SEC14L1: variants seen among roughly 807,000 people sequenced by gnomAD.
SEC14L1 encodes SEC14 like lipid binding 1.
In SEC14L1, 48 loss-of-function variants were observed where a neutral mutation model predicts 85.3. That is an observed-to-expected ratio of 0.56 (90% CI 0.45 to 0.72). The LOEUF is 0.72. SEC14L1 is among the 30% of genes least tolerant of loss of function. The pLI is 0.00. For missense variants in SEC14L1, 682 were observed against 921.4 expected (o/e 0.74, Z 3.36); for synonymous variants, 391 against 355.5 (o/e 1.10, Z -1.12).
chr17:77,123,820 A>G (rs918316774), intron 3 of SEC14L1, among the ~76,000 whole-genome samples: 2 of 152,188 alleles, frequency 1.3e-5, no homozygotes, highest in African/African-American at 2.4e-5. Flanking sequence ...AGTGGGGTGG[A>G]CACCTGGACA....
intron 3 of SEC14L1, among the ~76,000 whole-genome samples, chr17:77,166,110 T>G (rs540795723): frequency 6.6e-6 from 1 of 152,258 alleles, no homozygotes; most frequent in African/African-American, 2.4e-5. Flanking sequence ...AGTATTGTAC[T>G]TATTCTTTGT....
At chr17:77,152,834 CATTTGT>C (rs1219542101) in intron 3 of SEC14L1, among the ~76,000 whole-genome samples, 1 of 152,136 alleles carries the variant, frequency 6.6e-6, no homozygotes, top group African/African-American at 2.4e-5. Flanking sequence ...CAAATAAAGC[CATTTGT>C]ATTTGGTTAT....
chr17:77,156,574 TAAAA>T (rs574920988), intron 3 of SEC14L1, among the ~76,000 whole-genome samples: 1 of 136,574 alleles, frequency 7.3e-6, no homozygotes, highest in African/African-American at 2.7e-5. Context: ...GACTCCGTCT[TAAAA>T]AAAAAAAAAA....
At chr17:77,121,669 C>T (rs1049467882) in intron 3 of SEC14L1, among the ~76,000 whole-genome samples, 4 of 152,160 alleles carry the variant, frequency 2.6e-5, no homozygotes, top group Non-Finnish European at 2.9e-5. Context: ...TGTGCACTAT[C>T]TTTAACCCTC....
At chr17:77,122,863 G>C (rs1661219833) in intron 3 of SEC14L1, among the ~76,000 whole-genome samples, 1 of 152,182 alleles carries the variant, frequency 6.6e-6, no homozygotes, top group South Asian at 2.1e-4. Context: ...CTCCATCACA[G>C]GTTGCATCCC....
chr17:77,094,998 G>A (rs547123944), intron 3 of SEC14L1: 4 of 152,316 alleles, frequency 2.6e-5, no homozygotes, highest in Admixed American at 6.5e-5. Context: ...TTACTGACTC[G>A]TTCTCCTGTG....
chr17:77,105,921 G>A (rs1044437524), intron 3 of SEC14L1, among the ~76,000 whole-genome samples: 1 of 152,068 alleles, frequency 6.6e-6, no homozygotes, highest in Non-Finnish European at 1.5e-5. Flanking sequence ...GCCCCAGGGA[G>A]GGGATTTGTG....
chr17:77,206,231 C>T lies in SEC14L1; in HGVS notation c.1172C>T (p.Ser391Leu). The T allele has an allele frequency of 6.2e-7, 1 of 1,613,866 alleles. No homozygotes were observed. The highest frequency in any genetic ancestry group is 1.1e-5 in the South Asian group (1 of 91,060). Residue 391 changes from serine to leucine, a missense_variant and splice_region_variant, in exon 12 of 17, where the codon TCA becomes TTA. Around this residue, in one of 3 missense-constraint regions of SEC14L1, gnomAD observed 420 missense variants for 619.5 expected, o/e 0.68. Transcript: ENST00000436233. This position sits in a 1 kb window ranked among gnomAD's most constrained non-coding sequence, Gnocchi z 4.3. ...ACACATCTCTGCACAACCTGCAGCTCATGGACCTGCCTGGTGGACTTGGAA... is the reference window on the plus strand; with the variant it reads ...ACACATCTCTGCACAACCTGCAGCTTATGGACCTGCCTGGTGGACTTGGAA... ...NTKVFGRPIS[S>L]WTCLVDLEGL...
rs948823136 is a variant in SEC14L1, at chr17:77,101,163, T to G, written c.-136+7816T>G. ...GCTCTGTCCCAAGCCTGGTTTAGTG[T>G]TAAGCATATAGTCCCTCTCTTTTTT... On this transcript the variant is annotated intron_variant, in intron 3 of 19. Coordinates refer to the SEC14L1 transcript ENST00000392476. Among the ~76,000 whole-genome samples, 8 of 152,208 alleles carry G rather than the reference T, an allele frequency of 5.3e-5. No homozygotes were observed. The East Asian group carries it at 1.5e-3, about 29-fold the overall frequency.
chr17:77,108,615 T>C (rs1971973130), intron 3 of SEC14L1, among the ~76,000 whole-genome samples: 1 of 151,878 alleles, frequency 6.6e-6, no homozygotes, highest in Non-Finnish European at 1.5e-5. Context: ...GGTGCATGCC[T>C]GTAGTCTGGG....
Position 77,213,612 on chromosome 17 carries a change from GC to G in SEC14L1, c.2042+122del. 1 of 1,239,842 alleles carries G rather than the reference GC, an allele frequency of 8.1e-7. No individual in the cohort carries two copies. The highest frequency in any genetic ancestry group is 1.1e-6 in the Non-Finnish European group (1 of 872,374). The allele number at this position is 1,239,842 out of a possible 1,614,324, so 76.8% of individuals were successfully genotyped here. On this transcript the variant is annotated intron_variant, in intron 16 of 16. Coordinates refer to ENST00000436233, the MANE Select transcript of SEC14L1 (RefSeq NM_001143998.2). This position sits in a 1 kb window ranked among gnomAD's most constrained non-coding sequence, Gnocchi z 7.1. ...GGCGGGTGTCAGGAATGCTTGGAGG[GC>G]CAGGAGGGAGTGGCTTTGGGGTCAT...
intron 2 of SEC14L1, among the ~76,000 whole-genome samples, chr17:77,091,905 G>C (rs1277925613): frequency 6.6e-6 from 1 of 151,736 alleles, no homozygotes; most frequent in South Asian, 2.1e-4. Flanking sequence ...TCCGCCTCCC[G>C]GGTTCAAGCG....
Position 77,203,038 on chromosome 17 carries a change from T to G in SEC14L1, c.1010-532T>G, listed in dbSNP as rs1382723595. Among the ~76,000 whole-genome samples, 4 of 152,080 alleles carry G rather than the reference T, an allele frequency of 2.6e-5. No homozygotes were observed. In the East Asian group the frequency reaches 7.7e-4, roughly 29 times the overall value. On this transcript the variant is annotated intron_variant, in intron 9 of 16. Coordinates refer to ENST00000436233, the MANE Select transcript of SEC14L1 (RefSeq NM_001143998.2). The stretch of plus-strand genomic sequence containing the variant: ...TTGTCTTGGTCCTTAGAGTGGGAAT[T>G]GAGGGAAGCTGGCTTTTAAAAAGCT...
intron 3 of SEC14L1, among the ~76,000 whole-genome samples, chr17:77,151,028 G>C (rs763897737): frequency 2.0e-4 from 31 of 152,110 alleles, no homozygotes; most frequent in Non-Finnish European, 4.3e-4. Flanking sequence ...TTTAGTTTCT[G>C]ATGGTTAGGT....
At chr17:77,133,505 G>A (rs1972679521) in intron 3 of SEC14L1, among the ~76,000 whole-genome samples, 4 of 152,224 alleles carry the variant, frequency 2.6e-5, no homozygotes, top group African/African-American at 9.7e-5. Flanking sequence ...GCAACTCACA[G>A]TGTCTTGCTA....
chr17:77,131,735 A>T (rs894160437), intron 3 of SEC14L1, among the ~76,000 whole-genome samples: 1 of 152,222 alleles, frequency 6.6e-6, no homozygotes, highest in Non-Finnish European at 1.5e-5. Flanking sequence ...TTTACAGATG[A>T]TCTTGAATGG....
chr17:77,094,776 T>C (rs1971600537), intron 3 of SEC14L1: 1 of 152,264 alleles, frequency 6.6e-6, no homozygotes, highest in African/African-American at 2.4e-5. Flanking sequence ...AGGCTGTTGT[T>C]TTTTTACCTC....
chr17:77,103,176 G>A (rs1037081295), intron 3 of SEC14L1, among the ~76,000 whole-genome samples: 1 of 151,618 alleles, frequency 6.6e-6, no homozygotes, highest in Non-Finnish European at 1.5e-5. Context: ...GCAGTGGCAC[G>A]ATCTCAGCTC....
At chr17:77,117,237 C>T (rs1459918291) in intron 3 of SEC14L1, among the ~76,000 whole-genome samples, 1 of 152,066 alleles carries the variant, frequency 6.6e-6, no homozygotes, top group Non-Finnish European at 1.5e-5. Context: ...GTCCCAGCTA[C>T]TTGGGAGGCT....
Sources: allele counts gnomAD v4.1 joint callset (sites outside exome capture counted in the v4.1 genomes callset), GRCh38; gene constraint gnomAD v4.1.1; regional missense constraint gnomAD v4.1.1; non-coding constraint Gnocchi (gnomAD v3.1); transcripts MANE v1.5; gene names NCBI Gene and HGNC (gene_info 2026-07-23, HGNC 2026-07-21).